P3H2: variants seen among roughly 807,000 people sequenced by gnomAD.
The protein encoded by P3H2 is prolyl 3-hydroxylase 2.
In P3H2, 80 loss-of-function variants were observed where a neutral mutation model predicts 87.0. The ratio of observed to expected loss-of-function variants is 0.92; its 90% CI spans 0.77 to 1.11. The LOEUF (loss-of-function observed/expected upper bound fraction) is 1.11. P3H2 is among the 50% of genes least tolerant of loss of function. P3H2 has a pLI of 0.00. For synonymous variants in P3H2, 367 were observed against 359.3 expected (o/e 1.02, Z -0.24); for missense variants, 1,001 against 923.9 (o/e 1.08, Z -1.08).
chr3:190,053,637 T>A (rs1726056107), intron 1 of P3H2, among the ~76,000 whole-genome samples: 1 of 151,984 alleles, frequency 6.6e-6, no homozygotes, highest in African/African-American at 2.4e-5. Context: ...TTTGTATTCT[T>A]AGTAGAGACA....
intron 1 of P3H2, among the ~76,000 whole-genome samples, chr3:190,079,616 G>C (rs1234809815): frequency 3.3e-5 from 5 of 152,108 alleles, no homozygotes; most frequent in Non-Finnish European, 7.4e-5. Flanking sequence ...CCAAAACACA[G>C]AGACACTGCC....
intron 1 of P3H2, among the ~76,000 whole-genome samples, chr3:190,089,201 A>C (rs575536970): frequency 1.7e-4 from 26 of 152,228 alleles, no homozygotes; most frequent in African/African-American, 5.1e-4. Flanking sequence ...GAGGAACATC[A>C]CACACCGGGG....
At chr3:190,056,552 C>A (rs1466428171) in intron 1 of P3H2, among the ~76,000 whole-genome samples, 3 of 152,178 alleles carry the variant, frequency 2.0e-5, no homozygotes, top group Non-Finnish European at 4.4e-5. Flanking sequence ...TGGACTCTTT[C>A]TGAAAAGCCA....
chr3:190,032,862 T>C (rs971159263), intron 1 of P3H2, among the ~76,000 whole-genome samples: 1 of 152,132 alleles, frequency 6.6e-6, no homozygotes, highest in Admixed American at 6.5e-5. Flanking sequence ...GGTAGGGCGA[T>C]GGTGTGAGAA....
intron 1 of P3H2, among the ~76,000 whole-genome samples, chr3:190,042,976 G>T (rs938331275): frequency 2.6e-5 from 4 of 152,238 alleles, no homozygotes; most frequent in African/African-American, 7.2e-5. Context: ...ACTAGAAATG[G>T]TCGTTAATTT....
At chr3:190,077,878 C>T (rs1320387996) in intron 1 of P3H2, among the ~76,000 whole-genome samples, 1 of 150,898 alleles carries the variant, frequency 6.6e-6, no homozygotes, top group Non-Finnish European at 1.5e-5. Flanking sequence ...CAAATTTCAA[C>T]TTGTACCAGA....
intron 1 of P3H2, among the ~76,000 whole-genome samples, chr3:190,076,665 T>C (rs1726886053): frequency 2.0e-5 from 3 of 152,180 alleles, no homozygotes; most frequent in Non-Finnish European, 4.4e-5. Context: ...AATTCTAGCC[T>C]CACTCATCTG....
At chr3:190,112,412 T>C (rs1712105179) in intron 1 of P3H2, among the ~76,000 whole-genome samples, 1 of 152,142 alleles carries the variant, frequency 6.6e-6, no homozygotes, top group East Asian at 1.9e-4. Flanking sequence ...TGAGGGTAAG[T>C]GACATAAAAA....
At chr3:190,052,253 C>A (rs939019987) in intron 1 of P3H2, among the ~76,000 whole-genome samples, 7 of 151,962 alleles carry the variant, frequency 4.6e-5, no homozygotes, top group African/African-American at 1.5e-4. Context: ...CCCCTCACCC[C>A]CCGACAAGCC....
At position 189,987,659 on chromosome 3, in the gene P3H2, A is replaced by T; in HGVS notation, c.966T>A (p.Tyr322Ter). ...LQFAYYRVGE[Y>*]VKALECAKAY... ...CTTTGGCACACTCCAGGGCTTTCAC[A>T]TACTCACCAACTGAAAGACAAAGGA... Residue 322 changes from tyrosine (Y) to a stop codon, truncating the protein, a stop_gained, in exon 5 of 15, where the codon TAT (tyrosine) becomes TAA (stop). Coordinates refer to ENST00000319332, the MANE Select transcript of P3H2 (RefSeq NM_018192.4). LOFTEE classifies it high-confidence loss of function. The T allele has an allele frequency of 6.2e-7, 1 of 1,614,088 alleles. No homozygotes were observed.
At chr3:190,083,315 GAGA>G (rs1257029143) in intron 1 of P3H2, among the ~76,000 whole-genome samples, 4 of 152,182 alleles carry the variant, frequency 2.6e-5, no homozygotes, top group African/African-American at 9.6e-5. Flanking sequence ...AGAAGTGTTA[GAGA>G]AGAAGTTGTG....
intron 1 of P3H2, among the ~76,000 whole-genome samples, chr3:190,034,123 C>T (rs1304877904): frequency 6.6e-6 from 1 of 152,200 alleles, no homozygotes; most frequent in Non-Finnish European, 1.5e-5. Context: ...TAAGACTCAA[C>T]ATGATATAAA....
At chr3:190,011,040 A>C (rs1242306235) in intron 1 of P3H2, among the ~76,000 whole-genome samples, 1 of 152,196 alleles carries the variant, frequency 6.6e-6, no homozygotes, top group Non-Finnish European at 1.5e-5. Flanking sequence ...GGGAGGCCAA[A>C]GCAGGCAGAT....
intron 1 of P3H2, among the ~76,000 whole-genome samples, chr3:190,011,594 G>A (rs1724590125): frequency 6.6e-6 from 1 of 152,134 alleles, no homozygotes; most frequent in Non-Finnish European, 1.5e-5. Context: ...GAAAAGTGCT[G>A]AAAACCCCAA....
rs879935036 is a variant in P3H2 at position 189,989,098 on chromosome 3, G to A, written c.824-60C>T. 2.9e-5 allele frequency: 46 copies of A among 1,600,900 alleles called. No individual in the cohort carries two copies. The African/African-American group carries it at 3.2e-4, about 11-fold the overall frequency. ...GGTTGCTGAGTGCCCAAACGTCAACGTCACAGCCACAGTTACACAGGTCAT... is the reference window on the plus strand; with the variant it reads ...GGTTGCTGAGTGCCCAAACGTCAACATCACAGCCACAGTTACACAGGTCAT... On this transcript the variant is annotated intron_variant, in intron 3 of 14. Transcript: ENST00000319332.
Position 190,120,423 on chromosome 3 carries a change from G to C in P3H2, c.309C>G (p.Pro103=), listed in dbSNP as rs780114211. The C allele has an allele frequency of 2.0e-5, 30 of 1,472,694 alleles. No individual in the cohort carries two copies. In the Admixed American group the frequency reaches 5.7e-4, roughly 28 times the overall value. The allele number at this position is 1,472,694 out of a possible 1,614,324, so 91.2% of individuals were successfully genotyped here. Residue 103 remains proline (P), a synonymous_variant, in exon 1 of 15, where the codon CCC becomes CCG. Coordinates refer to ENST00000319332, the MANE Select transcript of P3H2 (RefSeq NM_018192.4). ...PLPPPPPGEG[P]GAELPLFRSL... ...AGCGGAAAAGGGGCAGCTCAGCGCC[G>C]GGGCCCTCGCCGGGGGGCGGGGGCG...
At chr3:190,057,427 C>T (rs939116292) in intron 1 of P3H2, among the ~76,000 whole-genome samples, 1 of 152,178 alleles carries the variant, frequency 6.6e-6, no homozygotes, top group African/African-American at 2.4e-5. Flanking sequence ...GTTCTGATTC[C>T]TAATCATGTC....
At chr3:190,085,496 C>T (rs1453459597) in intron 1 of P3H2, among the ~76,000 whole-genome samples, 1 of 152,204 alleles carries the variant, frequency 6.6e-6, no homozygotes, top group Non-Finnish European at 1.5e-5. Flanking sequence ...CACAAATTAT[C>T]TAAGCATTTG....
intron 1 of P3H2, among the ~76,000 whole-genome samples, chr3:190,022,939 G>T (rs2108941666): frequency 6.6e-6 from 1 of 152,208 alleles, no homozygotes; most frequent in Admixed American, 6.5e-5. Flanking sequence ...CCATTCTCCT[G>T]CTTCAGCCTC....
Sources: allele counts gnomAD v4.1 joint callset (sites outside exome capture counted in the v4.1 genomes callset), GRCh38; gene constraint gnomAD v4.1.1; transcripts MANE v1.5; gene names NCBI Gene and HGNC (gene_info 2026-07-23, HGNC 2026-07-21).